ANK3: variants seen among roughly 807,000 people sequenced by gnomAD.
The protein encoded by ANK3 is ankyrin-3.
In ANK3, 57 loss-of-function variants were observed where a neutral mutation model predicts 370.9. The observed-to-expected ratio is 0.15, with a 90% CI of 0.12 to 0.19. ANK3 has a LOEUF of 0.19. ANK3 is among the 10% of genes least tolerant of loss of function. The probability of loss-of-function intolerance (pLI) is 1.00; values close to 1 mark genes in which losing one functional copy is unlikely to be tolerated. For missense variants in ANK3, 4,439 were observed against 5,302.1 expected (o/e 0.84, Z 5.06); for synonymous variants, 1,929 against 1,946.3 (o/e 0.99, Z 0.23).
chr10:60,195,016 A>G (rs2096561572), intron 16 of ANK3, among the ~76,000 whole-genome samples: 1 of 152,144 alleles, frequency 6.6e-6, no homozygotes. Context: ...TGTGTATACA[A>G]TGATGTGATC....
chr10:60,356,679 A>T (rs1378016373), intron 1 of ANK3, among the ~76,000 whole-genome samples: 1 of 152,140 alleles, frequency 6.6e-6, no homozygotes, highest in Non-Finnish European at 1.5e-5. Flanking sequence ...TCACTATCAA[A>T]AGTCCATGTT....
At position 60,069,132 on chromosome 10, in the gene ANK3, T is replaced by C. The variant is rs761309540; in HGVS notation, c.11749A>G (p.Asn3917Asp). The change falls in exon 37 of 44, where the codon AAC (asparagine) becomes GAC (aspartate). Residue 3917 changes from asparagine to aspartate, a missense_variant. This residue lies in a region of ANK3 where 496 missense variants were observed against 529.3 expected (regional missense o/e 0.94). Transcript: ENST00000280772. ...GCAATTATGTTATCCCTGTGTGTGTTTTTCACTGGAATTCTGGACTTTACA... is the reference window on the plus strand; with the variant it reads ...GCAATTATGTTATCCCTGTGTGTGTCTTTCACTGGAATTCTGGACTTTACA... ...VDVKSRIPVK[N>D]THRDNIIAVR... is the part of the protein sequence containing the mutation. 33 of 1,614,084 alleles carry C rather than the reference T, an allele frequency of 2.0e-5. No individual in the cohort carries two copies. The highest frequency in any genetic ancestry group is 1.6e-4 in the Middle Eastern group (1 of 6,084).
chr10:60,635,395 G>A (rs1311014312), intron 1 of ANK3, among the ~76,000 whole-genome samples: 1 of 151,984 alleles, frequency 6.6e-6, no homozygotes, highest in Non-Finnish European at 1.5e-5. Flanking sequence ...TGTGAGAGCA[G>A]CAAACATGCC....
chr10:60,424,303 G>A (rs1265199475), intron 2 of ANK3, among the ~76,000 whole-genome samples: 3 of 151,912 alleles, frequency 2.0e-5, no homozygotes, highest in Admixed American at 1.3e-4. Context: ...GTCTATGAGA[G>A]ACATTTGATA....
chr10:60,668,064 A>G (rs1381796862), intron 1 of ANK3, among the ~76,000 whole-genome samples: 4 of 151,518 alleles, frequency 2.6e-5, no homozygotes, highest in Admixed American at 2.6e-4. Flanking sequence ...GCAGAATCAC[A>G]CTTTAAAGAC....
chr10:60,097,873 G>C (rs1287439086), intron 28 of ANK3, among the ~76,000 whole-genome samples: 2 of 152,154 alleles, frequency 1.3e-5, no homozygotes, highest in African/African-American at 4.8e-5. Flanking sequence ...TTGTGTATCA[G>C]GGTTAATTTC....
At chr10:60,570,421 C>A (rs543029954) in intron 2 of ANK3, among the ~76,000 whole-genome samples, 1 of 152,256 alleles carries the variant, frequency 6.6e-6, no homozygotes, top group East Asian at 1.9e-4. Context: ...TGGGTTTGAC[C>A]TTCAAGGATG....
At chr10:60,609,256 T>A (rs374524364) in intron 2 of ANK3, among the ~76,000 whole-genome samples, 2 of 152,244 alleles carry the variant, frequency 1.3e-5, no homozygotes, top group African/African-American at 4.8e-5. Flanking sequence ...TCTTCATGAT[T>A]CCTAATGAGT....
intron 8 of ANK3, among the ~76,000 whole-genome samples, chr10:60,218,362 G>A (rs1406151213): frequency 2.6e-5 from 4 of 152,070 alleles, no homozygotes; most frequent in Non-Finnish European, 5.9e-5. Flanking sequence ...AGTTGATTCT[G>A]TTTCCTCATA....
chr10:60,273,427 C>A (rs981356334), intron 4 of ANK3, among the ~76,000 whole-genome samples: 2 of 152,004 alleles, frequency 1.3e-5, no homozygotes, highest in African/African-American at 4.8e-5. Flanking sequence ...AATTGGGCAA[C>A]CCTTCCCACT....
chr10:60,633,984 T>C (rs1400858550), intron 1 of ANK3, among the ~76,000 whole-genome samples: 7 of 152,196 alleles, frequency 4.6e-5, no homozygotes, highest in Non-Finnish European at 1.0e-4. Flanking sequence ...ACATATCTCA[T>C]GGAACTTGTG....
chr10:60,119,317 G>T (rs1304885945), intron 25 of ANK3, among the ~76,000 whole-genome samples: 1 of 152,184 alleles, frequency 6.6e-6, no homozygotes, highest in Non-Finnish European at 1.5e-5. Flanking sequence ...TGTCTGCGAA[G>T]ACTTACTCCT....
intron 7 of ANK3, among the ~76,000 whole-genome samples, chr10:60,245,358 T>TC (rs2097537731): frequency 6.6e-6 from 1 of 151,768 alleles, no homozygotes; most frequent in Non-Finnish European, 1.5e-5. Context: ...AAGATTGACA[T>TC]ATAATTTTCA....
At chr10:60,301,114 A>C (rs1593308004) in intron 1 of ANK3, among the ~76,000 whole-genome samples, 1 of 146,066 alleles carries the variant, frequency 6.8e-6, no homozygotes. Context: ...CAACTCATTG[A>C]ATACTTCCGA....
rs1000691362 is a variant in ANK3 at position 60,027,437 on chromosome 10, A to G, written c.*2409T>C. 2.6e-5 allele frequency: 4 copies of G among 152,144 alleles called. No individual in the cohort carries two copies. The highest frequency in any genetic ancestry group is 9.7e-5 in the African/African-American group (4 of 41,426). 9.4% of individuals were successfully genotyped at this position (152,144 alleles called of 1,614,324 possible). A position where few individuals can be genotyped will look rare whatever the true frequency, so the allele number is the denominator to read the frequency against. ...TAGCCCCATTCTTTATGCAAAGTAG[A>G]TTATCCGTGCATTTCTTCTGCATTG... On this transcript the variant is annotated 3_prime_UTR_variant, in exon 44 of 44. Coordinates refer to ENST00000280772, the MANE Select transcript of ANK3 (RefSeq NM_020987.5).
In ANK3 at chr10:60,422,354, CAT is replaced by C. The variant is rs576370969; in HGVS notation, c.97-142717_97-142716del. On this transcript the variant is annotated intron_variant, in intron 2 of 43. Transcript: ENST00000373827. ...CTATGTACAAAATTATTCTGCTTCACATGTTATTAGCAATGTAAATTTTAACT... is the reference window on the plus strand; with the variant it reads ...CTATGTACAAAATTATTCTGCTTCACGTTATTAGCAATGTAAATTTTAACT... 3.2e-3 allele frequency among the ~76,000 whole-genome samples: 488 copies of C among 152,208 alleles called. 5 individuals are homozygous for C. The highest frequency in any genetic ancestry group is 0.011 in the African/African-American group (444 of 41,544).
intron 2 of ANK3, among the ~76,000 whole-genome samples, chr10:60,611,374 C>T (rs1042890263): frequency 1.3e-5 from 2 of 152,124 alleles, no homozygotes; most frequent in South Asian, 2.1e-4. Context: ...TCAGAGTGCT[C>T]GCACTTCTGA....
chr10:60,530,421 T>G (rs1432713143), intron 2 of ANK3, among the ~76,000 whole-genome samples: 1 of 150,566 alleles, frequency 6.6e-6, no homozygotes, highest in Non-Finnish European at 1.5e-5. Flanking sequence ...TGTGCTTAAA[T>G]TTTATTAATC....
chr10:60,172,669 G>A (rs2095824273), intron 20 of ANK3, among the ~76,000 whole-genome samples: 1 of 152,034 alleles, frequency 6.6e-6, no homozygotes. Context: ...TCTTACATGT[G>A]TACTTCCTAC....
Sources: gnomAD v4.1 joint callset for allele counts (sites outside exome capture counted in the v4.1 genomes callset) on GRCh38, gnomAD v4.1.1 for gene constraint, gnomAD v4.1.1 regional missense constraint, MANE v1.5 for transcripts, NCBI Gene and HGNC (gene_info 2026-07-23, HGNC 2026-07-21) for gene names.